Variants in SOX6 observed in about 807,000 individuals in gnomAD.
The protein encoded by SOX6 is SRY-box transcription factor 6, also known as transcription factor SOX-6.
A neutral mutation model predicts 97.8 loss-of-function variants in SOX6; 11 were observed. The observed-to-expected ratio is 0.11, with a 90% CI of 0.07 to 0.19. The LOEUF (loss-of-function observed/expected upper bound fraction) is 0.19. SOX6 is among the 10% of genes least tolerant of loss of function. SOX6 has a pLI of 1.00. For missense variants in SOX6, 810 were observed against 1,039.5 expected (o/e 0.78, Z 3.04); for synonymous variants, 360 against 371.4 (o/e 0.97, Z 0.35).
chr11:16,366,105 G>T (rs1447825292), intron 1 of SOX6, among the ~76,000 whole-genome samples: 2 of 152,062 alleles, frequency 1.3e-5, no homozygotes, highest in South Asian at 4.1e-4. Context: ...AAGATTCTGG[G>T]AATAGTACAG....
At chr11:15,988,656 G>T (rs1432068466) in intron 14 of SOX6, among the ~76,000 whole-genome samples, 1 of 152,168 alleles carries the variant, frequency 6.6e-6, no homozygotes, top group Non-Finnish European at 1.5e-5. Context: ...AGGAGATAAA[G>T]CTTGTCTCCA....
chr11:16,444,263 A>C (rs534658962), intron 1 of SOX6, among the ~76,000 whole-genome samples: 88 of 152,290 alleles, frequency 5.8e-4, no homozygotes, highest in African/African-American at 2.0e-3. Context: ...GGTTCTGCCA[A>C]CACTCTCTTA....
At chr11:16,544,737 C>T (rs143285289) in intron 4 of SOX6, among the ~76,000 whole-genome samples, 1 of 151,614 alleles carries the variant, frequency 6.6e-6, no homozygotes. Context: ...TTTTAATGTA[C>T]AGTCTTGCAA....
intron 6 of SOX6, among the ~76,000 whole-genome samples, chr11:16,118,674 A>T (rs1385167742): frequency 6.6e-6 from 1 of 152,226 alleles, no homozygotes; most frequent in African/African-American, 2.4e-5. Flanking sequence ...TCAGAGAGCA[A>T]CTTGGCAGAG....
intron 3 of SOX6, among the ~76,000 whole-genome samples, chr11:16,685,080 C>T (rs1847959234): frequency 6.6e-6 from 1 of 152,136 alleles, no homozygotes; most frequent in Non-Finnish European, 1.5e-5. Context: ...CCAAACACAT[C>T]CCACCAGGCC....
intron 15 of SOX6, 84 bp from the exon 16 acceptor site, chr11:15,973,196 A>G: frequency 3.0e-6 from 4 of 1,349,486 alleles, no homozygotes; most frequent in Non-Finnish European, 4.2e-6. Context: ...CACACCCTAC[A>G]CTTTCAAAAG....
intron 4 of SOX6, among the ~76,000 whole-genome samples, chr11:16,223,291 C>T (rs891133358): frequency 6.6e-6 from 1 of 152,002 alleles, no homozygotes; most frequent in Non-Finnish European, 1.5e-5. Context: ...TTTATGTCCT[C>T]GGAGGCATTT....
intron 3 of SOX6, among the ~76,000 whole-genome samples, chr11:16,658,440 G>A (rs1168092857): frequency 6.6e-6 from 1 of 152,148 alleles, no homozygotes. Flanking sequence ...CAGGTGCGGT[G>A]GCTCACGCCT....
rs545306045 is a variant in SOX6 at position 16,405,510 on chromosome 11, A to G, written c.-4-64258T>C. 3.9e-5 allele frequency among the ~76,000 whole-genome samples: 6 copies of G among 152,156 alleles called. No homozygotes were observed. In the South Asian group the frequency reaches 6.2e-4, roughly 16 times the overall value. ...GTTTGGATGTGTTCAGTAAGGCCCT[A>G]CTTCTGTCCAGAACACTCTCAGCCA... is the stretch of plus-strand genomic sequence containing the variant. On this transcript the variant is annotated intron_variant, in intron 1 of 15. Transcript: ENST00000396356.
At chr11:16,444,901 G>C (rs922859135) in intron 1 of SOX6, among the ~76,000 whole-genome samples, 1 of 152,162 alleles carries the variant, frequency 6.6e-6, no homozygotes, top group Non-Finnish European at 1.5e-5. Context: ...GCTCACTTTC[G>C]CTCAGCCAGT....
chr11:16,340,821 T>C (rs1005312709), intron 2 of SOX6, among the ~76,000 whole-genome samples, 191 bp downstream of exon 2: 2 of 152,218 alleles, frequency 1.3e-5, no homozygotes, highest in Non-Finnish European at 2.9e-5. Flanking sequence ...AATAAACGTA[T>C]ATACACTAAA....
chr11:16,658,432 G>C (rs889899399), intron 3 of SOX6, among the ~76,000 whole-genome samples: 1 of 152,164 alleles, frequency 6.6e-6, no homozygotes, highest in Non-Finnish European at 1.5e-5. Flanking sequence ...CTCCTGGCCA[G>C]GTGCGGTGGC....
chr11:16,005,280 G>A (rs768605309), intron 13 of SOX6, among the ~76,000 whole-genome samples: 29 of 151,682 alleles, frequency 1.9e-4, no homozygotes, highest in Non-Finnish European at 2.2e-4. Flanking sequence ...GGTTCTCTAC[G>A]ATATAGACGA....
chr11:16,562,416 A>G (rs542497052), intron 4 of SOX6, among the ~76,000 whole-genome samples: 1 of 152,254 alleles, frequency 6.6e-6, no homozygotes, highest in Admixed American at 6.5e-5. Flanking sequence ...AAGTCCCCCA[A>G]AAAAGTTTGC....
chr11:16,060,500 C>T (rs1847921296), intron 9 of SOX6, among the ~76,000 whole-genome samples: 1 of 151,680 alleles, frequency 6.6e-6, no homozygotes. Flanking sequence ...AAAATTGAGT[C>T]CAGTGAAAAG....
At chr11:16,052,870 G>T (rs1847720142) in intron 10 of SOX6, among the ~76,000 whole-genome samples, 1 of 152,140 alleles carries the variant, frequency 6.6e-6, no homozygotes, top group Non-Finnish European at 1.5e-5. Context: ...CCATGTGTCA[G>T]GAGGTCTTTC....
chr11:16,302,566 C>CTTTTTTTTTTTTTTTTTTTTT (rs71044096), intron 3 of SOX6, among the ~76,000 whole-genome samples: 40 of 87,002 alleles, frequency 4.6e-4, no homozygotes, highest in Non-Finnish European at 7.0e-4. Context: ...TTCTTTTTTT[C>CTTTTTTTTTTTTTTTTTTTTT]TTTTTTTTTT....
At chr11:16,535,522 A>C (rs908068017) in intron 4 of SOX6, among the ~76,000 whole-genome samples, 2 of 152,054 alleles carry the variant, frequency 1.3e-5, no homozygotes, top group Admixed American at 6.6e-5. Context: ...AAATACAAAA[A>C]TTAGCTGGGA....
chr11:16,076,483 C>T (rs1848355567), intron 9 of SOX6, among the ~76,000 whole-genome samples: 1 of 151,298 alleles, frequency 6.6e-6, no homozygotes. Context: ...GACAGACTCA[C>T]AGCCAATAAG....
Sources: allele counts gnomAD v4.1 joint callset (sites outside exome capture counted in the v4.1 genomes callset), GRCh38; gene constraint gnomAD v4.1.1; transcripts MANE v1.5; gene names NCBI Gene and HGNC (gene_info 2026-07-23, HGNC 2026-07-21).